The following LAMTOR3 variants were observed in gnomAD, a reference collection of about 807,000 sequenced individuals.
LAMTOR3 encodes the protein ragulator complex protein LAMTOR3.
Under a neutral mutation model 20.3 loss-of-function variants are expected in LAMTOR3, and 14 were observed. The ratio of observed to expected loss-of-function variants is 0.69; its 90% confidence interval spans 0.46 to 1.08. LAMTOR3 has a LOEUF of 1.08. Among genes scored for constraint, LAMTOR3 ranks in the 50% least tolerant of loss-of-function variants. The pLI is 0.00. For synonymous variants in LAMTOR3, 40 were observed against 49.4 expected (o/e 0.81, Z 0.80); for missense variants, 125 against 143.7 (o/e 0.87, Z 0.67).
Position 99,884,122 on chromosome 4 carries a change from C to A in LAMTOR3, c.241G>T (p.Val81Phe). 6.2e-7 allele frequency: 1 copy of A among 1,611,168 alleles called. No individual in the cohort carries two copies. Residue 81 changes from valine (V) to phenylalanine (F), a missense_variant, in exon 6 of 7, where the codon GTT (valine) becomes TTT (phenylalanine). By Grantham distance (50) the Val-to-Phe change is conservative. This residue lies in a region of LAMTOR3 where 99 missense variants were observed against 96.0 expected (regional missense o/e 1.03). Coordinates refer to ENST00000499666, the MANE Select transcript of LAMTOR3 (RefSeq NM_021970.4). ...ACCAAAGGTAAACGATTAAATTGAA[C>A]CACCTAAAAAGAAAATAAGAGCCAA... Reference protein sequence around the residue: ...IICYYNTYQVVQFNRLPLVVS... With the variant: ...IICYYNTYQVFQFNRLPLVVS...
chr4:99,893,432 ACT>A (rs988008509), intron 2 of LAMTOR3, among the ~76,000 whole-genome samples: 3 of 152,128 alleles, frequency 2.0e-5, no homozygotes, highest in Non-Finnish European at 4.4e-5. Flanking sequence ...AGCATCCAGC[ACT>A]TACTATTCTC....
Position 99,885,568 on chromosome 4 carries a change from T to C in LAMTOR3, c.211A>G (p.Ile71Val), listed in dbSNP as rs762392940. 1.2e-6 allele frequency: 2 copies of C among 1,612,954 alleles called. No individual in the cohort carries two copies. Among genetic ancestry groups the C allele is most frequent in the African/African-American group, 1.3e-5 (1 of 75,002 alleles). ...TGGTAGGTGTTATAGTAACAGATGATACTTTTATTTTTGGAAAGTCCAAGT... is the reference window on the plus strand; with the variant it reads ...TGGTAGGTGTTATAGTAACAGATGACACTTTTATTTTTGGAAAGTCCAAGT... ...SKLGLSKNKS[I>V]ICYYNTYQVV... The change falls in exon 5 of 7, where the codon ATC becomes GTC. Residue 71 changes from isoleucine (I) to valine (V), a missense_variant. Around this residue, in one of 3 missense-constraint regions of LAMTOR3, gnomAD observed 99 missense variants for 96.0 expected, o/e 1.03. Transcript: ENST00000499666.
chr4:99,882,400 A>G (rs1010169045), intron 6 of LAMTOR3, among the ~76,000 whole-genome samples: 3 of 152,138 alleles, frequency 2.0e-5, no homozygotes, highest in Admixed American at 1.3e-4. Flanking sequence ...TGGATTTCAA[A>G]TTTTTGGATT....
intron 3 of LAMTOR3, 105 bp from the exon 4 acceptor site, chr4:99,887,459 A>G (rs1296102450): frequency 2.4e-6 from 1 of 416,572 alleles, no homozygotes; most frequent in African/African-American, 2.1e-5. Flanking sequence ...CCTCAAAGAC[A>G]TAATAATTCT....
intron 5 of LAMTOR3, among the ~76,000 whole-genome samples, chr4:99,884,547 CT>C (rs758530627): frequency 6.6e-6 from 1 of 152,116 alleles, no homozygotes; most frequent in Non-Finnish European, 1.5e-5. Context: ...TTTAAAGTAA[CT>C]TTAAATCAAC....
Position 99,885,612 on chromosome 4 carries a change from G to T in LAMTOR3, c.167C>A (p.Ala56Glu). ...RPGFLSTFAL[A>E]TDQGSKLGLS... Reference sequence around the variant, plus strand: ...TCCAAGTTTGCTTCCTTGGTCTGTTGCAAGGGCAAAAGTGGATAAGAAACC... The same window carrying T: ...TCCAAGTTTGCTTCCTTGGTCTGTTTCAAGGGCAAAAGTGGATAAGAAACC... The change falls in exon 5 of 7, where the codon GCA (alanine) becomes GAA (glutamate). Residue 56 changes from alanine to glutamate, a missense_variant. Coordinates refer to ENST00000499666, the MANE Select transcript of LAMTOR3 (RefSeq NM_021970.4). 6.2e-7 allele frequency: 1 copy of T among 1,613,434 alleles called. No homozygotes were observed. The highest frequency in any genetic ancestry group is 8.5e-7 in the Non-Finnish European group (1 of 1,179,516).
intron 5 of LAMTOR3, among the ~76,000 whole-genome samples, chr4:99,884,792 C>G (rs544622583): frequency 6.6e-6 from 1 of 151,970 alleles, no homozygotes; most frequent in Non-Finnish European, 1.5e-5. Flanking sequence ...TGGTGAAAGT[C>G]CGTCTCTACC....
chr4:99,893,472 TAC>T (rs142277205), intron 2 of LAMTOR3, among the ~76,000 whole-genome samples: 9 of 150,528 alleles, frequency 6.0e-5, no homozygotes, highest in South Asian at 2.1e-4. Flanking sequence ...TTTATCCTCC[TAC>T]ACACACACAC....
rs372780119 is a variant in LAMTOR3 at position 99,889,240 on chromosome 4, T to C, written c.45-1886A>G. On this transcript the variant is annotated intron_variant, in intron 3 of 6. Coordinates refer to ENST00000499666, the MANE Select transcript of LAMTOR3 (RefSeq NM_021970.4). ...ATTAATACATAAAATAAATATATTC[T>C]TCTAAGTTAAAAACTAGGTTATATA... 4.2e-4 allele frequency among the ~76,000 whole-genome samples: 64 copies of C among 152,274 alleles called. 1 individual carries two copies. The South Asian group carries it at 0.012, about 30-fold the overall frequency.
rs371667534 is a variant in LAMTOR3, at chr4:99,881,973, C to A, written c.*21G>T. ...GTGTTGTTATAATGAAGATAAGGTACACACTGAAACCACTGTCAGATTAAG... is the reference window on the plus strand; with the variant it reads ...GTGTTGTTATAATGAAGATAAGGTAAACACTGAAACCACTGTCAGATTAAG... On this transcript the variant is annotated 3_prime_UTR_variant, in exon 7 of 7. Transcript: ENST00000499666. 1.0e-5 allele frequency: 15 copies of A among 1,495,598 alleles called. No homozygotes were observed. Among genetic ancestry groups the A allele is most frequent in the Non-Finnish European group, 1.4e-5 (15 of 1,075,860 alleles). 92.6% of individuals were successfully genotyped at this position (1,495,598 alleles called of 1,614,324 possible). A position where few individuals can be genotyped will look rare whatever the true frequency, so the allele number is the denominator to read the frequency against.
intron 2 of LAMTOR3, among the ~76,000 whole-genome samples, chr4:99,893,055 T>C (rs886730634): frequency 7.9e-5 from 12 of 152,168 alleles, no homozygotes; most frequent in African/African-American, 2.7e-4. Flanking sequence ...ACTAAAGAAG[T>C]AGAAGACTAT....
chr4:99,891,658 G>A (rs1427424333), intron 3 of LAMTOR3, among the ~76,000 whole-genome samples: 1 of 152,104 alleles, frequency 6.6e-6, no homozygotes, highest in Non-Finnish European at 1.5e-5. Flanking sequence ...CAACAAAGAC[G>A]AAATACAGCA....
At chr4:99,886,929 T>TAC (rs1191735944) in intron 4 of LAMTOR3, among the ~76,000 whole-genome samples, 11 of 151,990 alleles carry the variant, frequency 7.2e-5, no homozygotes, top group East Asian at 3.9e-4. Context: ...TGTATATATA[T>TAC]ACACACACAC....
chr4:99,891,912 C>G, intron 3 of LAMTOR3, 88 bp downstream of exon 3: 3 of 1,500,584 alleles, frequency 2.0e-6, no homozygotes, highest in Non-Finnish European at 1.8e-6. Context: ...AGAGATACTT[C>G]ACAACATGGA....
chr4:99,882,920 C>A (rs1270812613), intron 6 of LAMTOR3, among the ~76,000 whole-genome samples: 1 of 151,980 alleles, frequency 6.6e-6, no homozygotes. Context: ...AGGCTATCTG[C>A]CTCAAACAGA....
At chr4:99,889,321 A>G (rs1284290536) in intron 3 of LAMTOR3, among the ~76,000 whole-genome samples, 1 of 152,240 alleles carries the variant, frequency 6.6e-6, no homozygotes, top group African/African-American at 2.4e-5. Context: ...AGTTACCAAA[A>G]GCAACATCAT....
Position 99,881,852 on chromosome 4 carries a change from T to C in LAMTOR3, c.*142A>G, listed in dbSNP as rs142936049. Reference sequence around the variant, plus strand: ...CTGATCTATCTATAAATTACATCTATATGCTAGCTCTTTAGTATAAGTTGG... The same window carrying C: ...CTGATCTATCTATAAATTACATCTACATGCTAGCTCTTTAGTATAAGTTGG... On this transcript the variant is annotated 3_prime_UTR_variant, in exon 7 of 7. Transcript: ENST00000499666. 109 of 637,302 alleles carry C rather than the reference T, an allele frequency of 1.7e-4. No homozygotes were observed. The African/African-American group carries it at 1.8e-3, about 11-fold the overall frequency. The allele number at this position is 637,302 out of a possible 1,614,324, so 39.5% of individuals were successfully genotyped here. A position where few individuals can be genotyped will look rare whatever the true frequency, so the allele number is the denominator to read the frequency against.
intron 2 of LAMTOR3, among the ~76,000 whole-genome samples, chr4:99,893,162 T>C (rs959187548): frequency 1.3e-5 from 2 of 152,096 alleles, no homozygotes; most frequent in African/African-American, 4.8e-5. Context: ...TACAGAGGTA[T>C]CAATGCGCCT....
chr4:99,887,774 C>T (rs1017752271), intron 3 of LAMTOR3, among the ~76,000 whole-genome samples: 6 of 152,210 alleles, frequency 3.9e-5, no homozygotes, highest in African/African-American at 9.7e-5. Flanking sequence ...GAAATAAGCA[C>T]AATCATTGCC....
Sources: allele counts gnomAD v4.1 joint callset (sites outside exome capture counted in the v4.1 genomes callset), GRCh38; gene constraint gnomAD v4.1.1; regional missense constraint gnomAD v4.1.1; transcripts MANE v1.5; gene names NCBI Gene and HGNC (gene_info 2026-07-23, HGNC 2026-07-21).